Variants in PAFAH1B2 observed in about 807,000 individuals in gnomAD.
PAFAH1B2 encodes platelet activating factor acetylhydrolase 1b catalytic subunit 2.
Under a neutral mutation model 28.0 loss-of-function variants are expected in PAFAH1B2, and 8 were observed. The observed-to-expected ratio is 0.29, with a 90% CI of 0.17 to 0.52. The LOEUF (loss-of-function observed/expected upper bound fraction) is 0.52, where lower values mean the gene tolerates loss of function less well. PAFAH1B2 is among the 20% of genes least tolerant of loss of function. The pLI is 0.97. For missense variants in PAFAH1B2, 190 were observed against 282.6 expected (o/e 0.67, Z 2.35); for synonymous variants, 104 against 103.2 (o/e 1.01, Z -0.05).
In PAFAH1B2 at chr11:117,170,522, C is replaced by T; in HGVS notation, c.*2823C>T. The T allele has an allele frequency of 3.8e-6, 4 of 1,057,218 alleles. No homozygotes were observed. Among genetic ancestry groups the T allele is most frequent in the Non-Finnish European group, 4.6e-6 (4 of 875,026 alleles). The allele number at this position is 1,057,218 out of a possible 1,614,324, so 65.5% of individuals were successfully genotyped here. ...GGCTACCACCGTGAGGCTACTTGAA[C>T]TGTCAGGGGCATCTGCCTAAACCAG... On this transcript the variant is annotated 3_prime_UTR_variant, in exon 6 of 6. Transcript: ENST00000527958.
At chr11:117,177,858 C>T (rs2030070290), downstream of PAFAH1B2, among the ~76,000 whole-genome samples, 1 of 152,172 alleles carries the variant, frequency 6.6e-6, no homozygotes, top group Non-Finnish European at 1.5e-5. Context: ...TATTTAGTGT[C>T]ATATCCTGAA....
chr11:117,152,326 C>G (rs1439027961), intron 1 of PAFAH1B2, 115 bp from the exon 2 acceptor site: 2 of 645,804 alleles, frequency 3.1e-6, no homozygotes, highest in African/African-American at 1.8e-5. Context: ...CCAATTGTTT[C>G]TAGGCAAACC....
rs1456398269 is a variant in PAFAH1B2 at position 117,170,956 on chromosome 11, T to G, written c.*3257T>G. On this transcript the variant is annotated 3_prime_UTR_variant, in exon 6 of 6. Coordinates refer to ENST00000527958, the MANE Select transcript of PAFAH1B2 (RefSeq NM_002572.4). ...TGACTGGACCTCCCCATTGGAAGTTTGTGATTTTGCTTTGGCAAAGTTTCA... is the reference window on the plus strand; with the variant it reads ...TGACTGGACCTCCCCATTGGAAGTTGGTGATTTTGCTTTGGCAAAGTTTCA... 2.8e-6 allele frequency: 3 copies of G among 1,053,936 alleles called. No individual in the cohort carries two copies. Among genetic ancestry groups the G allele is most frequent in the African/African-American group, 1.7e-5 (1 of 60,406 alleles). 65.3% of individuals were successfully genotyped at this position (1,053,936 alleles called of 1,614,324 possible).
chr11:117,154,688 C>T (rs1297033003), intron 2 of PAFAH1B2, among the ~76,000 whole-genome samples: 2 of 152,202 alleles, frequency 1.3e-5, no homozygotes, highest in Non-Finnish European at 2.9e-5. Flanking sequence ...AAGTGATCCT[C>T]CTGCCTCAGC....
chr11:117,146,979 A>G (rs567277258), intron 1 of PAFAH1B2, among the ~76,000 whole-genome samples: 1 of 151,970 alleles, frequency 6.6e-6, no homozygotes, highest in Admixed American at 6.6e-5. Flanking sequence ...AAAAACAAAA[A>G]AAAAGCCGGC....
chr11:117,177,068 C>T (rs187866820), downstream of PAFAH1B2, among the ~76,000 whole-genome samples: 830 of 151,188 alleles, frequency 5.5e-3, 3 homozygotes, highest in Middle Eastern at 0.014. Flanking sequence ...ATTAGCTGGG[C>T]GTGGTGGCAC....
At chr11:117,159,577 T>C (rs1256895584) in intron 2 of PAFAH1B2, 1 of 183,942 alleles carries the variant, frequency 5.4e-6, no homozygotes, top group Non-Finnish European at 1.1e-5. Context: ...TACAAAAAAA[T>C]AGAAAAAATT....
chr11:117,156,554 A>G (rs1956259177), intron 2 of PAFAH1B2, among the ~76,000 whole-genome samples: 1 of 152,236 alleles, frequency 6.6e-6, no homozygotes, highest in South Asian at 2.1e-4. Context: ...ACACTCAAGC[A>G]TGGTCATAGT....
At chr11:117,163,250 G>C (rs1463652273) in intron 4 of PAFAH1B2, among the ~76,000 whole-genome samples, 1 of 152,156 alleles carries the variant, frequency 6.6e-6, no homozygotes, top group South Asian at 2.1e-4. Flanking sequence ...GAGCCCAGGA[G>C]TTTAAGACCA....
intron 1 of PAFAH1B2, among the ~76,000 whole-genome samples, chr11:117,146,260 A>ATT: frequency 7.1e-6 from 1 of 141,306 alleles, no homozygotes; most frequent in East Asian, 2.0e-4. Context: ...CTAATTTTGT[A>ATT]TTTTTTTTTT....
downstream of PAFAH1B2, chr11:117,171,153 G>A: frequency 1.3e-6 from 1 of 744,208 alleles, no homozygotes; most frequent in Non-Finnish European, 1.7e-6. Context: ...AGATGATCCT[G>A]CTTCTTTACT....
At chr11:117,154,103 G>A (rs1251726789) in intron 2 of PAFAH1B2, among the ~76,000 whole-genome samples, 1 of 105,516 alleles carries the variant, frequency 9.5e-6, no homozygotes, top group East Asian at 2.2e-4. Context: ...GACAGATTGA[G>A]ACCTTATCTC....
At chr11:117,164,021 C>T (rs1342895081) in intron 5 of PAFAH1B2, 129 bp downstream of exon 5, 1 of 879,296 alleles carries the variant, frequency 1.1e-6, no homozygotes, top group Admixed American at 2.2e-5. Context: ...TTTCGTTGAC[C>T]TCTTCTTTAA....
At chr11:117,172,380 ATATATATATATATATATATATATATTTTT>A (rs1165962918), downstream of PAFAH1B2, among the ~76,000 whole-genome samples, 45 of 5,084 alleles carry the variant, frequency 8.9e-3, no homozygotes, top group East Asian at 0.025. Context: ...ATATATATAT[ATATATATATATATATATATATATATTTTT>A]TTTTTTTTTT....
chr11:117,161,752 C>A (rs528846153), intron 4 of PAFAH1B2, among the ~76,000 whole-genome samples: 1 of 152,068 alleles, frequency 6.6e-6, no homozygotes, highest in Non-Finnish European at 1.5e-5. Flanking sequence ...GTGATCCACC[C>A]GCTTCGGCCT....
At chr11:117,167,114 G>A (rs918989567) in intron 5 of PAFAH1B2, among the ~76,000 whole-genome samples, 13 of 152,112 alleles carry the variant, frequency 8.5e-5, no homozygotes, top group African/African-American at 3.1e-4. Context: ...ATTTCTTTCT[G>A]TAGCTTAGAA....
At position 117,160,701 on chromosome 11, in the gene PAFAH1B2, C is replaced by T. The variant is rs145870354; in HGVS notation, c.172-444C>T. ...CGAACTCTTGGCCTCAAATGATCCACGTGCCTTGGCCTCACAGAGTGCTGG... is the reference window on the plus strand; with the variant it reads ...CGAACTCTTGGCCTCAAATGATCCATGTGCCTTGGCCTCACAGAGTGCTGG... On this transcript the variant is annotated intron_variant, in intron 3 of 5. Coordinates refer to ENST00000527958, the MANE Select transcript of PAFAH1B2 (RefSeq NM_002572.4). Among the ~76,000 whole-genome samples, 348 of 152,136 alleles carry T rather than the reference C, an allele frequency of 2.3e-3. 2 individuals carry two copies. Among genetic ancestry groups the T allele is most frequent in the African/African-American group, 8.0e-3 (330 of 41,504 alleles).
chr11:117,171,821 C>A, downstream of PAFAH1B2: 1 of 1,164,274 alleles, frequency 8.6e-7, no homozygotes, highest in Non-Finnish European at 1.2e-6. Flanking sequence ...TGCTTTATCA[C>A]TGTTCACCTC....
downstream of PAFAH1B2, among the ~76,000 whole-genome samples, chr11:117,172,379 TATATATATATATA>T (rs1956679260): frequency 1.5e-3 from 5 of 3,368 alleles, no homozygotes; most frequent in Admixed American, 3.9e-3. Flanking sequence ...TATATATATA[TATATATATATATA>T]TATATATATA....
Sources: allele counts gnomAD v4.1 joint callset (sites outside exome capture counted in the v4.1 genomes callset), GRCh38; gene constraint gnomAD v4.1.1; transcripts MANE v1.5; gene names NCBI Gene and HGNC (gene_info 2026-07-23, HGNC 2026-07-21).